Variants in ADCY5 observed in about 807,000 individuals in gnomAD.
ADCY5 encodes adenylate cyclase 5.
In ADCY5, 30 loss-of-function variants were observed where a neutral mutation model predicts 119.7. That is an observed-to-expected ratio of 0.25 (90% CI 0.19 to 0.34). ADCY5 has a LOEUF of 0.34. Among genes scored for constraint, ADCY5 ranks in the 10% least tolerant of loss-of-function variants. The pLI is 1.00. For missense variants in ADCY5, 1,324 were observed against 1,775.2 expected, an observed-to-expected ratio of 0.75 and a Z score of 4.57; for synonymous variants, 753 against 762.2, an observed-to-expected ratio of 0.99 and a Z score of 0.20.
intron 1 of ADCY5, among the ~76,000 whole-genome samples, chr3:123,373,758 G>GCCTCCCCCCC (rs1943718682): frequency 2.7e-5 from 1 of 37,074 alleles, no homozygotes; most frequent in African/African-American, 7.2e-5. Context: ...GAAGCATCAC[G>GCCTCCCCCCC]CCCCCCCCCC....
At position 123,296,144 on chromosome 3, in the gene ADCY5, C is replaced by T. The variant is rs1939488892; in HGVS notation, c.3003G>A (p.Leu1001=). Residue 1001 remains leucine, a synonymous_variant, in exon 17 of 21, where the codon CTG becomes CTA. Coordinates refer to ENST00000462833, the MANE Select transcript of ADCY5 (RefSeq NM_183357.3). The part of the protein sequence containing the change: ...PIIISVFVLA[L]YLHAQQVEST... ...ACTCCACCTGCTGGGCGTGCAGGTA[C>T]AGGGCCAGCACAAAGACTGAGATGA... The T allele has an allele frequency of 6.2e-7, 1 of 1,613,916 alleles. No homozygotes were observed. Among genetic ancestry groups the T allele is most frequent in the Admixed American group, 1.7e-5 (1 of 59,996 alleles).
intron 1 of ADCY5, among the ~76,000 whole-genome samples, chr3:123,408,995 A>C (rs930808182): frequency 3.3e-5 from 5 of 152,186 alleles, no homozygotes; most frequent in African/African-American, 1.2e-4. Flanking sequence ...ATAAAATAAA[A>C]ATAGCTATAA....
intron 18 of ADCY5, among the ~76,000 whole-genome samples, chr3:123,290,220 T>TA (rs1405627013): frequency 1.3e-5 from 2 of 152,138 alleles, no homozygotes; most frequent in Non-Finnish European, 2.9e-5. Flanking sequence ...ACAAGGTCAC[T>TA]AGTCACCTCT....
At chr3:123,312,101 A>G (rs1450827815) in intron 12 of ADCY5, among the ~76,000 whole-genome samples, 1 of 152,172 alleles carries the variant, frequency 6.6e-6, no homozygotes, top group East Asian at 1.9e-4. Context: ...CTCCTCCACA[A>G]CTGACTGCAA....
At chr3:123,413,241 A>C (rs1945101132) in intron 1 of ADCY5, among the ~76,000 whole-genome samples, 1 of 152,214 alleles carries the variant, frequency 6.6e-6, no homozygotes. Context: ...GCAGGAGCTG[A>C]GCGTGCCTAA....
intron 1 of ADCY5, among the ~76,000 whole-genome samples, chr3:123,403,661 G>A (rs950975757): frequency 2.5e-4 from 38 of 152,170 alleles, no homozygotes; most frequent in Admixed American, 1.6e-3. Context: ...CACCACTGCC[G>A]TGAGAATCAA....
chr3:123,299,038 T>C (rs1457327363), intron 15 of ADCY5, among the ~76,000 whole-genome samples: 1 of 152,180 alleles, frequency 6.6e-6, no homozygotes, highest in Non-Finnish European at 1.5e-5. Context: ...GAATCTTATC[T>C]GAGCTCCTCA....
chr3:123,438,121 A>C (rs554278657), intron 1 of ADCY5, among the ~76,000 whole-genome samples: 1 of 152,186 alleles, frequency 6.6e-6, no homozygotes, highest in African/African-American at 2.4e-5. Context: ...GAGAAACTTC[A>C]AGGCTCCTCC....
chr3:123,368,741 G>C (rs1418259856), intron 1 of ADCY5, among the ~76,000 whole-genome samples: 1 of 136,162 alleles, frequency 7.3e-6, no homozygotes, highest in Non-Finnish European at 1.6e-5. Context: ...GACAGAGCAA[G>C]ACTGTGTCTC....
chr3:123,434,810 C>A (rs370529264), intron 1 of ADCY5, among the ~76,000 whole-genome samples: 20 of 152,230 alleles, frequency 1.3e-4, no homozygotes, highest in South Asian at 8.3e-4. Context: ...CCCTTCCTCG[C>A]TCCATTACCC....
intron 1 of ADCY5, among the ~76,000 whole-genome samples, chr3:123,444,356 G>T (rs774290257): frequency 6.6e-6 from 1 of 152,184 alleles, no homozygotes; most frequent in Non-Finnish European, 1.5e-5. Context: ...AGCAGAGCCT[G>T]CAGGAAGGCA....
At chr3:123,308,187 C>T (rs1940312090) in intron 12 of ADCY5, among the ~76,000 whole-genome samples, 1 of 151,778 alleles carries the variant, frequency 6.6e-6, no homozygotes, top group South Asian at 2.1e-4. Flanking sequence ...GCGCCCACCA[C>T]CACGCCCGGC....
chr3:123,333,015 T>C (rs1037631108), intron 3 of ADCY5, among the ~76,000 whole-genome samples: 3 of 151,768 alleles, frequency 2.0e-5, no homozygotes, highest in African/African-American at 7.3e-5. Flanking sequence ...CACCTTGGCC[T>C]CACAAAGTGC....
chr3:123,421,609 G>T (rs1188914016), intron 1 of ADCY5, among the ~76,000 whole-genome samples: 2 of 152,146 alleles, frequency 1.3e-5, no homozygotes, highest in Non-Finnish European at 2.9e-5. Context: ...CCCAAGGGTG[G>T]GTGGTAGGCA....
At chr3:123,393,564 T>TTAAAATAAAA (rs58733977) in intron 1 of ADCY5, among the ~76,000 whole-genome samples, 5,879 of 143,476 alleles carry the variant, frequency 0.041, 280 homozygotes, top group East Asian at 0.11. Flanking sequence ...TTCTAAAAAA[T>TTAAAATAAAA]TAAAATAAAA....
chr3:123,298,809 T>C (rs1576537552), intron 15 of ADCY5, among the ~76,000 whole-genome samples: 1 of 139,014 alleles, frequency 7.2e-6, no homozygotes, highest in African/African-American at 2.7e-5. Flanking sequence ...CTGCATTTTC[T>C]CAGGGGACAC....
Position 123,352,555 on chromosome 3 carries a change from G to A in ADCY5, c.1161C>T (p.Ser387=), listed in dbSNP as rs374504660. 5.6e-6 allele frequency: 9 copies of A among 1,612,814 alleles called. No homozygotes were observed. The highest frequency in any genetic ancestry group is 7.6e-6 in the Non-Finnish European group (9 of 1,179,270). ...TGCAGACACCCACGATGTTGGTGCA[G>A]GAGAAAATGAGAACATTGGAGACAA... The part of the protein sequence containing the change: ...KQLVSNVLIF[S]CTNIVGVCTH... Residue 387 remains serine, a synonymous_variant, in exon 2 of 21, where the codon TCC becomes TCT. Transcript: ENST00000462833. The surrounding 1 kb of genome is among the most constrained non-coding windows in gnomAD (Gnocchi z 4.8).
intron 1 of ADCY5, among the ~76,000 whole-genome samples, chr3:123,386,526 T>C (rs1339543492): frequency 1.3e-5 from 2 of 152,210 alleles, no homozygotes; most frequent in Non-Finnish European, 2.9e-5. Flanking sequence ...GTTATGCCTA[T>C]TGTCTGGAAC....
At chr3:123,302,342 C>T (rs1340268799) in intron 14 of ADCY5, among the ~76,000 whole-genome samples, 1 of 152,212 alleles carries the variant, frequency 6.6e-6, no homozygotes. Context: ...ACCCAAATGC[C>T]TGTAGGCACA....
Sources: gnomAD v4.1 joint callset for allele counts (sites outside exome capture counted in the v4.1 genomes callset) on GRCh38, gnomAD v4.1.1 for gene constraint, Gnocchi (gnomAD v3.1) non-coding constraint, MANE v1.5 for transcripts, NCBI Gene and HGNC (gene_info 2026-07-23, HGNC 2026-07-21) for gene names.